The following DCLRE1C variants were observed in gnomAD, a reference collection of about 807,000 sequenced individuals.
DCLRE1C encodes protein artemis.
Under a neutral mutation model 61.4 loss-of-function variants are expected in DCLRE1C, and 47 were observed. The ratio of observed to expected loss-of-function variants is 0.77; its 90% CI spans 0.61 to 0.98. The LOEUF is 0.98. Among genes scored for constraint, DCLRE1C ranks in the 50% least tolerant of loss-of-function variants. DCLRE1C has a pLI of 0.00. For missense variants in DCLRE1C, 858 were observed against 816.0 expected, an observed-to-expected ratio of 1.05 and a Z score of -0.63; for synonymous variants, 337 against 287.6, an observed-to-expected ratio of 1.17 and a Z score of -1.74.
At chr10:14,934,198 C>G (rs911651480) in intron 8 of DCLRE1C, among the ~76,000 whole-genome samples, 182 bp downstream of exon 8, 1 of 151,864 alleles carries the variant, frequency 6.6e-6, no homozygotes, top group African/African-American at 2.4e-5. Flanking sequence ...CATGGTGGCT[C>G]ACGCCTGTAA....
intron 1 of DCLRE1C, among the ~76,000 whole-genome samples, chr10:14,950,427 G>T (rs529585949): frequency 6.7e-6 from 1 of 149,002 alleles, no homozygotes; most frequent in South Asian, 2.1e-4. Flanking sequence ...ATTACCACGA[G>T]CACCACCACA....
chr10:14,950,624 G>C (rs149701517), intron 1 of DCLRE1C, among the ~76,000 whole-genome samples: 1 of 152,290 alleles, frequency 6.6e-6, no homozygotes, highest in East Asian at 1.9e-4. Flanking sequence ...GGGCCTATGG[G>C]TATATCCCTG....
chr10:14,918,100 T>A (rs1836505126), intron 13 of DCLRE1C, among the ~76,000 whole-genome samples: 1 of 152,214 alleles, frequency 6.6e-6, no homozygotes, highest in African/African-American at 2.4e-5. Flanking sequence ...GAAAACATTT[T>A]GGCAGTTTCT....
chr10:14,948,275 C>T lies in DCLRE1C; in HGVS notation c.161+761G>A, dbSNP rs985251463. Among the ~76,000 whole-genome samples the T allele has an allele frequency of 7.9e-5, 12 of 151,838 alleles. 1 individual carries two copies. Among genetic ancestry groups the T allele is most frequent in the South Asian group, 2.1e-4 (1 of 4,826 alleles). On this transcript the variant is annotated intron_variant, in intron 2 of 13. Transcript: ENST00000378278. Reference sequence around the variant, plus strand: ...CAAGATACAGTAAGTATTCAATAAACGTTAGCTATCATTATCAAGAAGACA... The same window carrying T: ...CAAGATACAGTAAGTATTCAATAAATGTTAGCTATCATTATCAAGAAGACA...
chr10:14,920,564 A>G (rs1008886933), intron 12 of DCLRE1C: 1 of 223,828 alleles, frequency 4.5e-6, no homozygotes, highest in Non-Finnish European at 7.5e-6. Context: ...ATCCCCTTCA[A>G]CCTTTCCAGG....
intron 3 of DCLRE1C, 85 bp from the exon 4 acceptor site, chr10:14,939,954 C>T: frequency 1.9e-6 from 2 of 1,045,900 alleles, no homozygotes; most frequent in South Asian, 2.9e-5. Flanking sequence ...AGAAATGGGG[C>T]AAAGAGAAGT....
At chr10:14,945,267 T>C in intron 2 of DCLRE1C, 78 bp from the exon 3 acceptor site, 1 of 1,461,306 alleles carries the variant, frequency 6.8e-7, no homozygotes. Flanking sequence ...TATTTCATCA[T>C]ACATCTAATA....
chr10:14,938,295 C>T (rs1269506959), intron 4 of DCLRE1C, among the ~76,000 whole-genome samples: 1 of 152,148 alleles, frequency 6.6e-6, no homozygotes, highest in Non-Finnish European at 1.5e-5. Flanking sequence ...ACAGTATTCC[C>T]CGGAAAAGCA....
At chr10:14,944,527 G>T (rs1329691269) in intron 3 of DCLRE1C, among the ~76,000 whole-genome samples, 1 of 151,894 alleles carries the variant, frequency 6.6e-6, no homozygotes, top group African/African-American at 2.4e-5. Flanking sequence ...ATATTAAAAT[G>T]CATCTTAGCA....
intron 1 of DCLRE1C, among the ~76,000 whole-genome samples, chr10:14,953,011 G>T (rs770123932): frequency 1.3e-5 from 2 of 152,170 alleles, no homozygotes; most frequent in Non-Finnish European, 2.9e-5. Context: ...GGTTTGTTAC[G>T]CTGATTGACT....
At chr10:14,909,362 A>C (rs1203398501) in intron 13 of DCLRE1C, 32 bp from the exon 14 acceptor site, 2 of 1,603,940 alleles carry the variant, frequency 1.2e-6, no homozygotes, top group African/African-American at 2.7e-5. Flanking sequence ...TTTATAGGAA[A>C]CAAGGCAAAG....
downstream of DCLRE1C, chr10:14,902,826 T>A (rs1359301498): frequency 1.6e-4 from 27 of 167,414 alleles, no homozygotes; most frequent in Admixed American, 1.6e-3. Flanking sequence ...TTTGAAAGCG[T>A]TAAGCTGATA....
chr10:14,941,282 C>CTTTA (rs1039510058), intron 3 of DCLRE1C, among the ~76,000 whole-genome samples: 11 of 152,116 alleles, frequency 7.2e-5, no homozygotes, highest in African/African-American at 1.2e-4. Context: ...CCATCAGCTC[C>CTTTA]TTTATTTATT....
intron 13 of DCLRE1C, among the ~76,000 whole-genome samples, chr10:14,918,615 G>A (rs948328992): frequency 6.8e-6 from 1 of 148,068 alleles, no homozygotes; most frequent in South Asian, 2.1e-4. Context: ...TTATACCTCA[G>A]GAAAGCTGTT....
At chr10:14,922,238 C>T (rs1489177844) in intron 12 of DCLRE1C, among the ~76,000 whole-genome samples, 1 of 152,040 alleles carries the variant, frequency 6.6e-6, no homozygotes, top group Non-Finnish European at 1.5e-5. Context: ...CTCGGGAGTT[C>T]GAGACCATCC....
intron 6 of DCLRE1C, 27 bp downstream of exon 6, chr10:14,935,436 A>T (rs1254671807): frequency 6.2e-7 from 1 of 1,603,602 alleles, no homozygotes; most frequent in East Asian, 2.2e-5. Flanking sequence ...AAATAAAATA[A>T]AATAAAACCT....
chr10:14,927,801 A>G (rs775421610), intron 10 of DCLRE1C, among the ~76,000 whole-genome samples: 4 of 152,188 alleles, frequency 2.6e-5, no homozygotes, highest in Admixed American at 6.6e-5. Context: ...CATCTCATCA[A>G]CCTACCCAGA....
At chr10:14,926,184 G>C (rs1837942948) in intron 11 of DCLRE1C, among the ~76,000 whole-genome samples, 1 of 152,170 alleles carries the variant, frequency 6.6e-6, no homozygotes, top group African/African-American at 2.4e-5. Context: ...CTTGTTGACA[G>C]AGTAAGAGCT....
intron 6 of DCLRE1C, 119 bp downstream of exon 6, chr10:14,935,344 T>C (rs1447860242): frequency 8.9e-6 from 10 of 1,120,628 alleles, no homozygotes; most frequent in Non-Finnish European, 1.2e-5. Context: ...CACGTACCTG[T>C]TATCCCAGCT....
Sources: allele counts gnomAD v4.1 joint callset (sites outside exome capture counted in the v4.1 genomes callset), GRCh38; gene constraint gnomAD v4.1.1; transcripts MANE v1.5; gene names NCBI Gene and HGNC (gene_info 2026-07-23, HGNC 2026-07-21).